RNF169: variants seen among roughly 807,000 people sequenced by gnomAD.
The protein encoded by RNF169 is ring finger protein 169.
Under a neutral mutation model 53.9 loss-of-function variants are expected in RNF169, and 24 were observed. That is an observed-to-expected ratio of 0.45 (90% confidence interval 0.32 to 0.63). The LOEUF is 0.63. Ranked by LOEUF, RNF169 falls within the 20% of genes least tolerant of loss-of-function variation. The probability of loss-of-function intolerance (pLI) is 0.04; values close to 1 mark genes in which losing one functional copy is unlikely to be tolerated. For synonymous variants in RNF169, 396 were observed against 363.5 expected (o/e 1.09, Z -1.02); for missense variants, 883 against 906.2 (o/e 0.97, Z 0.33).
intron 1 of RNF169, among the ~76,000 whole-genome samples, chr11:74,750,409 A>G (rs1219351256): frequency 6.6e-6 from 1 of 152,074 alleles, no homozygotes; most frequent in East Asian, 1.9e-4. Context: ...GTAAGGAAAG[A>G]GAGGCATTGC....
chr11:74,789,591 A>C (rs759775386), intron 1 of RNF169, 35 bp from the exon 2 acceptor site: 1 of 1,431,510 alleles, frequency 7.0e-7, no homozygotes, highest in Non-Finnish European at 9.8e-7. Flanking sequence ...CTAGAAAGTC[A>C]TCTTAAAAAG....
intron 1 of RNF169, among the ~76,000 whole-genome samples, chr11:74,781,785 A>G (rs1200977829): frequency 6.6e-6 from 1 of 152,206 alleles, no homozygotes; most frequent in Admixed American, 6.5e-5. Flanking sequence ...CCCTGGATCT[A>G]GATTGCTTGT....
chr11:74,822,974 T>TA lies in RNF169; in HGVS notation c.842+5261dup, dbSNP rs1479627310. On this transcript the variant is annotated intron_variant, in intron 4 of 5. Coordinates refer to ENST00000299563, the MANE Select transcript of RNF169 (RefSeq NM_001098638.2). ...AATACTTACCGCCTCCATTTTTTTT[T>TA]AGTGAGATTATTGTTTGGGCACTTT... is the stretch of plus-strand genomic sequence containing the variant. 2.6e-5 allele frequency among the ~76,000 whole-genome samples: 4 copies of TA among 152,188 alleles called. No individual in the cohort carries two copies. In the South Asian group the frequency reaches 8.3e-4, roughly 32 times the overall value.
Position 74,748,885 on chromosome 11 carries a change from C to A in RNF169, c.5C>A (p.Ala2Glu). The change falls in exon 1 of 6, where the codon GCG becomes GAG. Residue 2 changes from alanine (A) to glutamate (E), a missense_variant. Coordinates refer to ENST00000299563, the MANE Select transcript of RNF169 (RefSeq NM_001098638.2). ...TCCCTTCAAACGGGAAACAAGATGG[C>A]GGCTGCAGGTCCGAGTACTCGGGCC... The part of the protein sequence containing the change: M[A>E]AAGPSTRASS... The A allele has an allele frequency of 7.1e-7, 1 of 1,416,426 alleles. No individual in the cohort carries two copies. The highest frequency in any genetic ancestry group is 9.3e-7 in the Non-Finnish European group (1 of 1,073,864). The allele number at this position is 1,416,426 out of a possible 1,614,324, so 87.7% of individuals were successfully genotyped here. A position where few individuals can be genotyped will look rare whatever the true frequency, so the allele number is the denominator to read the frequency against.
chr11:74,755,162 G>T (rs577915523), intron 1 of RNF169, among the ~76,000 whole-genome samples: 3 of 152,308 alleles, frequency 2.0e-5, no homozygotes, highest in East Asian at 3.9e-4. Context: ...CCGAGAATTT[G>T]AGAGTGTCCT....
chr11:74,779,998 A>G (rs558235791), intron 1 of RNF169, among the ~76,000 whole-genome samples: 1 of 152,266 alleles, frequency 6.6e-6, no homozygotes, highest in African/African-American at 2.4e-5. Context: ...TGAGATTAAT[A>G]TGGATAATTG....
intron 4 of RNF169, 32 bp downstream of exon 4, chr11:74,817,746 T>C (rs766924502): frequency 7.1e-7 from 1 of 1,408,076 alleles, no homozygotes; most frequent in Admixed American, 1.7e-5. Flanking sequence ...CAGTCAGGGG[T>C]CTTTGGTTTT....
At chr11:74,810,637 T>C (rs1266803227) in intron 3 of RNF169, among the ~76,000 whole-genome samples, 1 of 152,240 alleles carries the variant, frequency 6.6e-6, no homozygotes, top group Non-Finnish European at 1.5e-5. Context: ...ACTTATGTGT[T>C]ATTTGACATT....
intron 4 of RNF169, among the ~76,000 whole-genome samples, chr11:74,822,028 TGA>T (rs375488345): frequency 2.7e-5 from 4 of 147,742 alleles, no homozygotes; most frequent in Non-Finnish European, 4.5e-5. Context: ...TGTGAGTGAG[TGA>T]GAGAGAGAGA....
At chr11:74,785,713 T>C (rs1404107086) in intron 1 of RNF169, among the ~76,000 whole-genome samples, 5 of 152,158 alleles carry the variant, frequency 3.3e-5, no homozygotes, top group Admixed American at 3.3e-4. Flanking sequence ...CTAAACTGAT[T>C]AATATCAGTA....
At chr11:74,749,868 A>G (rs575340050) in intron 1 of RNF169, among the ~76,000 whole-genome samples, 26 of 152,288 alleles carry the variant, frequency 1.7e-4, no homozygotes, top group African/African-American at 3.6e-4. Context: ...ACTCGAGAGC[A>G]GAGGGGGTTG....
intron 2 of RNF169, among the ~76,000 whole-genome samples, chr11:74,806,500 G>C (rs944576873): frequency 6.6e-6 from 1 of 152,046 alleles, no homozygotes; most frequent in Non-Finnish European, 1.5e-5. Flanking sequence ...TACATATTCC[G>C]TAATATTTTT....
rs779197807 is a variant in RNF169, at chr11:74,817,618, C to G, written c.746C>G (p.Ser249Ter). ...LERCPARLSD[S>*]ENEEPSRGQM... Reference sequence around the variant, plus strand: ...CAGTGTCCTGCACGTCTCTCAGATTCAGAGAATGAAGAACCTTCTCGAGGC... The same window carrying G: ...CAGTGTCCTGCACGTCTCTCAGATTGAGAGAATGAAGAACCTTCTCGAGGC... Residue 249 changes from serine to a stop codon, truncating the protein, a stop_gained, in exon 4 of 6, where the codon TCA (serine) becomes TGA (stop). Transcript: ENST00000299563. LOFTEE classifies it high-confidence loss of function. 2 of 1,612,716 alleles carry G rather than the reference C, an allele frequency of 1.2e-6. No homozygotes were observed. Among genetic ancestry groups the G allele is most frequent in the Non-Finnish European group, 8.5e-7 (1 of 1,178,800 alleles).
chr11:74,829,400 C>A (rs1049524070), intron 4 of RNF169, among the ~76,000 whole-genome samples: 1 of 152,068 alleles, frequency 6.6e-6, no homozygotes, highest in African/African-American at 2.4e-5. Flanking sequence ...GGTGGGAGTG[C>A]AAATTAGTTC....
chr11:74,752,995 G>A (rs1450900624), intron 1 of RNF169, among the ~76,000 whole-genome samples: 1 of 152,106 alleles, frequency 6.6e-6, no homozygotes, highest in Non-Finnish European at 1.5e-5. Context: ...TTGAGACAGA[G>A]TCTTGCTCTG....
At position 74,841,293 on chromosome 11, in the gene RNF169, TG is replaced by T. The variant is rs1219214494; in HGVS notation, c.*4567del. ...GAATTCTCAAAAGAGAAAGCAGGTC[TG>T]GGGCGGGGTGGTCAGGAGACAGATT... On this transcript the variant is annotated 3_prime_UTR_variant, in exon 6 of 6. Transcript: ENST00000299563. 1 of 152,138 alleles carries T rather than the reference TG, an allele frequency of 6.6e-6. No homozygotes were observed. The highest frequency in any genetic ancestry group is 1.5e-5 in the Non-Finnish European group (1 of 68,020). 9.4% of individuals were successfully genotyped at this position (152,138 alleles called of 1,614,324 possible).
chr11:74,775,064 G>A (rs1157099077), intron 1 of RNF169, among the ~76,000 whole-genome samples: 6 of 152,122 alleles, frequency 3.9e-5, no homozygotes, highest in Admixed American at 3.9e-4. Context: ...CAGATAAATG[G>A]GTCAGTACCT....
intron 4 of RNF169, among the ~76,000 whole-genome samples, chr11:74,821,378 G>GTCCAGAATAGGCAAATA (rs1348588704): frequency 6.8e-5 from 9 of 131,618 alleles, no homozygotes; most frequent in South Asian, 2.5e-4. Flanking sequence ...ACAAGTGCGG[G>GTCCAGAATAGGCAAATA]CCGGGCGCGG....
Position 74,748,967 on chromosome 11 carries a change from C to T in RNF169, c.87C>T (p.Asp29=). 3 of 1,478,118 alleles carry T rather than the reference C, an allele frequency of 2.0e-6. No homozygotes were observed. Among genetic ancestry groups the T allele is most frequent in the Non-Finnish European group, 9.1e-7 (1 of 1,104,912 alleles). The allele number at this position is 1,478,118 out of a possible 1,614,324, so 91.6% of individuals were successfully genotyped here. ...GGCGGGGCCGGCGGGGCCGCTGTGACGAGACGGCGGCAGCTAAGACTGGGG... is the reference window on the plus strand; with the variant it reads ...GGCGGGGCCGGCGGGGCCGCTGTGATGAGACGGCGGCAGCTAAGACTGGGG... ...LSRRGRRGRC[D]ETAAAKTGAP... The change falls in exon 1 of 6, where the codon GAC becomes GAT. Residue 29 remains aspartate (D), a synonymous_variant. Transcript: ENST00000299563.
Sources: allele counts gnomAD v4.1 joint callset (sites outside exome capture counted in the v4.1 genomes callset), GRCh38; gene constraint gnomAD v4.1.1; transcripts MANE v1.5; gene names NCBI Gene and HGNC (gene_info 2026-07-23, HGNC 2026-07-21).